The following CIAPIN1 variants were observed in gnomAD, a reference collection of about 807,000 sequenced individuals.
The protein encoded by CIAPIN1 is anamorsin.
CIAPIN1 carries 18 observed loss-of-function variants against 34.3 expected under a neutral mutation model. The ratio of observed to expected loss-of-function variants is 0.52; its 90% CI spans 0.36 to 0.78. The LOEUF (loss-of-function observed/expected upper bound fraction) is 0.78. Among genes scored for constraint, CIAPIN1 ranks in the 30% least tolerant of loss-of-function variants. CIAPIN1 has a pLI of 0.00. For missense variants in CIAPIN1, 310 were observed against 372.5 expected (o/e 0.83, Z 1.38); for synonymous variants, 131 against 140.4 (o/e 0.93, Z 0.47).
rs530103308 is a variant in CIAPIN1 at position 57,432,969 on chromosome 16, A to C, written c.557-409T>G. ...CATTCCATATTGCTTCCTCCTCGAT[A>C]CCTTAGTTTCCATTCTATAACATGA... On this transcript the variant is annotated intron_variant, in intron 5 of 8. Transcript: ENST00000394391. Among the ~76,000 whole-genome samples the C allele has an allele frequency of 2.1e-4, 32 of 152,272 alleles. No individual in the cohort carries two copies. In the East Asian group the frequency reaches 6.0e-3, roughly 28 times the overall value.
intron 5 of CIAPIN1, among the ~76,000 whole-genome samples, chr16:57,433,088 T>C (rs1264920710): frequency 3.9e-5 from 6 of 152,220 alleles, no homozygotes; most frequent in Non-Finnish European, 7.3e-5. Context: ...TTTAGCCTCA[T>C]GTAAACCTGC....
chr16:57,437,370 G>A (rs1211625591), intron 3 of CIAPIN1, among the ~76,000 whole-genome samples: 1 of 152,086 alleles, frequency 6.6e-6, no homozygotes, highest in African/African-American at 2.4e-5. Context: ...TCCTAAGCGT[G>A]TTTAAGGTAG....
chr16:57,442,133 C>T (rs1209128157), intron 1 of CIAPIN1, among the ~76,000 whole-genome samples: 1 of 152,114 alleles, frequency 6.6e-6, no homozygotes, highest in African/African-American at 2.4e-5. Context: ...ATTGCCTGAG[C>T]CCAGGAGTTT....
chr16:57,440,176 T>TA lies in CIAPIN1; in HGVS notation c.157+595dup, dbSNP rs1233192465. Among the ~76,000 whole-genome samples the TA allele has an allele frequency of 3.9e-5, 6 of 152,304 alleles. No individual in the cohort carries two copies. In the East Asian group the frequency reaches 9.7e-4, roughly 25 times the overall value. ...GGATGAAATAAGCCCTGGTCTCCCG[T>TA]AGCACTCCCAGGCCTGTTAGGACGA... On this transcript the variant is annotated intron_variant, in intron 2 of 8. Coordinates refer to ENST00000394391, the MANE Select transcript of CIAPIN1 (RefSeq NM_020313.4).
chr16:57,436,675 C>T lies in CIAPIN1; in HGVS notation c.368G>A (p.Gly123Asp). Residue 123 changes from glycine to aspartate, a missense_variant, in exon 4 of 9, where the codon GGT becomes GAT. Physicochemically the swap from Gly to Asp is moderately conservative, Grantham distance 94. Transcript: ENST00000394391. ...SKLCSALTLS[G>D]LVEVKELQRE... Reference sequence around the variant, plus strand: ...ACGTACCTCTTTCACTTCCACAAGACCAGAAAGAGTCAGGGCTGAACACAG... The same window carrying T: ...ACGTACCTCTTTCACTTCCACAAGATCAGAAAGAGTCAGGGCTGAACACAG... 6.2e-7 allele frequency: 1 copy of T among 1,613,770 alleles called. No individual in the cohort carries two copies. The highest frequency in any genetic ancestry group is 8.5e-7 in the Non-Finnish European group (1 of 1,179,736).
At position 57,435,915 on chromosome 16, in the gene CIAPIN1, T is replaced by A. The variant is rs138047862; in HGVS notation, c.387+741A>T. 3.9e-5 allele frequency among the ~76,000 whole-genome samples: 6 copies of A among 152,330 alleles called. No homozygotes were observed. In the East Asian group the frequency reaches 1.2e-3, roughly 29 times the overall value. ...TCCCACATCCAAGAAAATTTTAAGATCAAAGAGTGTAGAAATATAAATACT... is the reference window on the plus strand; with the variant it reads ...TCCCACATCCAAGAAAATTTTAAGAACAAAGAGTGTAGAAATATAAATACT... On this transcript the variant is annotated intron_variant, in intron 4 of 8. Coordinates refer to ENST00000394391, the MANE Select transcript of CIAPIN1 (RefSeq NM_020313.4).
chr16:57,444,986 T>A (rs1256697026), intron 1 of CIAPIN1, among the ~76,000 whole-genome samples: 1 of 152,186 alleles, frequency 6.6e-6, no homozygotes, highest in Admixed American at 6.5e-5. Context: ...ATGGCCCTTC[T>A]AAAATGTTAC....
At chr16:57,430,761 A>C in intron 7 of CIAPIN1, 1 of 234,452 alleles carries the variant, frequency 4.3e-6, no homozygotes, top group Non-Finnish European at 8.4e-6. Context: ...AACTTTCTAC[A>C]ATCCTTCCCA....
At chr16:57,444,253 C>T (rs1311090682) in intron 1 of CIAPIN1, among the ~76,000 whole-genome samples, 1 of 152,172 alleles carries the variant, frequency 6.6e-6, no homozygotes, top group African/African-American at 2.4e-5. Context: ...TTTGTTTTCT[C>T]ATCAGTAAAG....
At chr16:57,444,644 G>A (rs1434052561) in intron 1 of CIAPIN1, among the ~76,000 whole-genome samples, 1 of 152,216 alleles carries the variant, frequency 6.6e-6, no homozygotes, top group Non-Finnish European at 1.5e-5. Flanking sequence ...GGCAAGAGGA[G>A]CTTATGAACT....
At chr16:57,431,089 G>T (rs559986885) in intron 7 of CIAPIN1, 62 bp downstream of exon 7, 2 of 938,916 alleles carry the variant, frequency 2.1e-6, no homozygotes, top group Admixed American at 3.6e-5. Context: ...ACAGCACCGC[G>T]ATGTCTTCAG....
At chr16:57,436,916 C>T (rs1263080113) in intron 3 of CIAPIN1, among the ~76,000 whole-genome samples, 184 bp from the exon 4 acceptor site, 1 of 151,982 alleles carries the variant, frequency 6.6e-6, no homozygotes, top group African/African-American at 2.4e-5. Context: ...GCCAGGAGTT[C>T]AAGACCAATC....
At chr16:57,442,286 C>T (rs1215343150) in intron 1 of CIAPIN1, among the ~76,000 whole-genome samples, 4 of 152,144 alleles carry the variant, frequency 2.6e-5, no homozygotes, top group Non-Finnish European at 4.4e-5. Context: ...ATGGAGGTTG[C>T]AGTGAGCCAA....
At chr16:57,439,407 C>T in intron 2 of CIAPIN1, 73 bp from the exon 3 acceptor site, 1 of 1,526,844 alleles carries the variant, frequency 6.5e-7, no homozygotes, top group East Asian at 2.3e-5. Context: ...CAACCCCCAA[C>T]AAAAGCTACA....
intron 2 of CIAPIN1, among the ~76,000 whole-genome samples, chr16:57,440,523 TTC>T (rs1903305802): frequency 6.6e-6 from 1 of 152,084 alleles, no homozygotes; most frequent in South Asian, 2.1e-4. Context: ...GCTTTAAAAT[TTC>T]TCTCTTTTGT....
Position 57,436,650 on chromosome 16 carries a change from A to T in CIAPIN1, c.387+6T>A. On this transcript the variant is annotated splice_donor_region_variant and intron_variant, in intron 4 of 8. Coordinates refer to ENST00000394391, the MANE Select transcript of CIAPIN1 (RefSeq NM_020313.4). ...GGGCAGCAAAGAAAGTTGTCTACAAACGTACCTCTTTCACTTCCACAAGAC... is the reference window on the plus strand; with the variant it reads ...GGGCAGCAAAGAAAGTTGTCTACAATCGTACCTCTTTCACTTCCACAAGAC... 6.2e-7 allele frequency: 1 copy of T among 1,610,918 alleles called. No homozygotes were observed. Among genetic ancestry groups the T allele is most frequent in the Non-Finnish European group, 8.5e-7 (1 of 1,177,228 alleles).
intron 2 of CIAPIN1, among the ~76,000 whole-genome samples, chr16:57,439,905 C>T (rs1298948923): frequency 5.3e-5 from 8 of 152,096 alleles, no homozygotes; most frequent in Non-Finnish European, 1.0e-4. Context: ...ACGACATCTG[C>T]GCACCTTGAA....
chr16:57,430,408 CA>C (rs1903061268), intron 7 of CIAPIN1, 69 bp from the exon 8 acceptor site: 2 of 1,457,256 alleles, frequency 1.4e-6, no homozygotes, highest in African/African-American at 1.4e-5. Flanking sequence ...CTAACAGTGC[CA>C]AAATGTGCTT....
chr16:57,430,947 C>T (rs1317100964), intron 7 of CIAPIN1, among the ~76,000 whole-genome samples: 1 of 151,872 alleles, frequency 6.6e-6, no homozygotes, highest in Non-Finnish European at 1.5e-5. Flanking sequence ...ATCCTCCTGC[C>T]TTTGCCTCCC....
Sources: gnomAD v4.1 joint callset for allele counts (sites outside exome capture counted in the v4.1 genomes callset) on GRCh38, gnomAD v4.1.1 for gene constraint, MANE v1.5 for transcripts, NCBI Gene and HGNC (gene_info 2026-07-23, HGNC 2026-07-21) for gene names.